Variants in EIF2S2 observed in about 807,000 individuals in gnomAD.
EIF2S2 encodes the protein eukaryotic translation initiation factor 2 subunit beta.
A neutral mutation model predicts 44.0 loss-of-function variants in EIF2S2; 4 were observed. The ratio of observed to expected loss-of-function variants is 0.09; its 90% CI spans 0.04 to 0.21. The LOEUF is 0.21. Among genes scored for constraint, EIF2S2 ranks in the 10% least tolerant of loss-of-function variants. The probability of loss-of-function intolerance (pLI) is 1.00; values close to 1 mark genes in which losing one functional copy is unlikely to be tolerated. For missense variants in EIF2S2, 154 were observed against 392.0 expected (o/e 0.39, Z 5.13); for synonymous variants, 108 against 128.3 (o/e 0.84, Z 1.07).
At chr20:34,095,445 G>A (rs1254340272) in intron 6 of EIF2S2, among the ~76,000 whole-genome samples, 1 of 151,888 alleles carries the variant, frequency 6.6e-6, no homozygotes, top group African/African-American at 2.4e-5. Context: ...CCCGAGTAGC[G>A]GGATTACAGG....
chr20:34,091,769 ATTT>A (rs1555812045), intron 7 of EIF2S2, among the ~76,000 whole-genome samples: 2 of 33,832 alleles, frequency 5.9e-5, no homozygotes, highest in South Asian at 3.9e-3. Flanking sequence ...ATATATATTT[ATTT>A]TTTTGGGGGG....
At chr20:34,105,090 C>T (rs1016280892) in intron 2 of EIF2S2, among the ~76,000 whole-genome samples, 2 of 152,150 alleles carry the variant, frequency 1.3e-5, no homozygotes, top group Non-Finnish European at 2.9e-5. Flanking sequence ...AATACAACTA[C>T]CATTAAAAAG....
intron 3 of EIF2S2, 124 bp from the exon 4 acceptor site, chr20:34,098,757 G>A (rs2034262055): frequency 2.5e-6 from 3 of 1,188,442 alleles, no homozygotes; most frequent in East Asian, 2.6e-5. Context: ...CAAACTCCTG[G>A]CCTCAAGAGA....
intron 7 of EIF2S2, among the ~76,000 whole-genome samples, chr20:34,091,547 C>T (rs2034162766): frequency 6.6e-6 from 1 of 151,840 alleles, no homozygotes; most frequent in Non-Finnish European, 1.5e-5. Context: ...GGAACCCCGT[C>T]TCTACTACAA....
rs2034241958 is a variant in EIF2S2 at position 34,097,404 on chromosome 20, A to AT, written c.534+11dup. Reference sequence around the variant, plus strand: ...ATAGCTTAGCCCCTTTTCACAACAGATTTTGTCTTACCTCCTCGTATGTGT... The same window carrying AT: ...ATAGCTTAGCCCCTTTTCACAACAGATTTTTGTCTTACCTCCTCGTATGTGT... On this transcript the variant is annotated intron_variant, in intron 5 of 8. Transcript: ENST00000374980. The AT allele has an allele frequency of 6.2e-7, 1 of 1,608,116 alleles. No individual in the cohort carries two copies. The highest frequency in any genetic ancestry group is 1.3e-5 in the African/African-American group (1 of 74,672).
chr20:34,106,643 G>C (rs1399531401), intron 1 of EIF2S2, among the ~76,000 whole-genome samples: 2 of 151,966 alleles, frequency 1.3e-5, no homozygotes, highest in Non-Finnish European at 1.5e-5. Flanking sequence ...TGCTCCCCAA[G>C]CTGGTCTTGA....
At chr20:34,091,776 T>TTTGGGGGGG (rs4012181) in intron 7 of EIF2S2, among the ~76,000 whole-genome samples, 2 of 95,812 alleles carry the variant, frequency 2.1e-5, no homozygotes, top group Non-Finnish European at 4.1e-5. Flanking sequence ...TTTATTTTTT[T>TTTGGGGGGG]GGGGGGGGGG....
At chr20:34,112,049 G>C (rs1334416235) in intron 1 of EIF2S2, 47 bp downstream of exon 1, 1 of 1,451,576 alleles carries the variant, frequency 6.9e-7, no homozygotes, top group Non-Finnish European at 9.2e-7. Flanking sequence ...AGTGGGTTAG[G>C]CTTCTCGCCT....
rs141624729 is a variant in EIF2S2, at chr20:34,098,691, T to G, written c.298-58A>C. On this transcript the variant is annotated intron_variant, in intron 3 of 8. Coordinates refer to ENST00000374980, the MANE Select transcript of EIF2S2 (RefSeq NM_003908.5). Reference sequence around the variant, plus strand: ...ACTGGGACTATTCTTTTTTATTTATTTTATTACATTTTCTGTTGAGATGAG... The same window carrying G: ...ACTGGGACTATTCTTTTTTATTTATGTTATTACATTTTCTGTTGAGATGAG... 198 of 1,556,904 alleles carry G rather than the reference T, an allele frequency of 1.3e-4. No individual in the cohort carries two copies. In the African/African-American group the frequency reaches 2.5e-3, roughly 20 times the overall value.
chr20:34,097,635 C>CTTT (rs1158584415), intron 4 of EIF2S2, 119 bp from the exon 5 acceptor site: 32 of 719,744 alleles, frequency 4.4e-5, no homozygotes, highest in Non-Finnish European at 7.1e-5. Context: ...CAGCTGCATT[C>CTTT]ACAACAGCCT....
chr20:34,091,542 C>T (rs192797282), intron 7 of EIF2S2, among the ~76,000 whole-genome samples: 142 of 151,872 alleles, frequency 9.3e-4, no homozygotes, highest in African/African-American at 3.1e-3. Flanking sequence ...ATGGTGGAAC[C>T]CCGTCTCTAC....
intron 1 of EIF2S2, 128 bp from the exon 2 acceptor site, chr20:34,105,673 G>A (rs2034341535): frequency 8.2e-6 from 7 of 852,706 alleles, no homozygotes; most frequent in Non-Finnish European, 1.2e-5. Flanking sequence ...ACACCAAAGG[G>A]GAGTTTACCA....
intron 1 of EIF2S2, among the ~76,000 whole-genome samples, chr20:34,106,040 G>C (rs2034345996): frequency 6.6e-6 from 1 of 151,796 alleles, no homozygotes; most frequent in African/African-American, 2.4e-5. Context: ...TACCATCTTA[G>C]CTCCCCAAGT....
At chr20:34,090,644 T>C in intron 7 of EIF2S2, 42 bp from the exon 8 acceptor site, 1 of 1,280,862 alleles carries the variant, frequency 7.8e-7, no homozygotes, top group Non-Finnish European at 1.1e-6. Flanking sequence ...TATTGTTTTT[T>C]CCTAAAGGAA....
intron 4 of EIF2S2, among the ~76,000 whole-genome samples, chr20:34,097,962 G>A (rs1022387308): frequency 2.0e-5 from 3 of 151,860 alleles, no homozygotes; most frequent in East Asian, 1.9e-4. Context: ...TTAAAAAATC[G>A]GGGCCGGGCG....
rs760227962 is a variant in EIF2S2 at position 34,089,251 on chromosome 20, C to T, written c.*479G>A. On this transcript the variant is annotated 3_prime_UTR_variant, in exon 9 of 9. Transcript: ENST00000374980. The stretch of plus-strand genomic sequence containing the variant: ...GTCCCACCACACTCGCGTGGGAGGC[C>T]GTGTCTACTTTAACTATGTATCTCA... The T allele has an allele frequency of 1.3e-4, 20 of 152,136 alleles. No individual in the cohort carries two copies. Among genetic ancestry groups the T allele is most frequent in the East Asian group, 5.9e-4 (3 of 5,102 alleles). 9.4% of individuals were successfully genotyped at this position (152,136 alleles called of 1,614,324 possible).
rs778660932 is a variant in EIF2S2, at chr20:34,096,782, G to T, written c.558C>A (p.Ile186=). The T allele has an allele frequency of 3.1e-6, 5 of 1,608,528 alleles. No homozygotes were observed. The South Asian group carries it at 5.6e-5, about 18-fold the overall frequency. Residue 186 remains isoleucine, a synonymous_variant, in exon 6 of 9, where the codon ATC becomes ATA. Coordinates refer to ENST00000374980, the MANE Select transcript of EIF2S2 (RefSeq NM_003908.5). ...YEELLNRVFN[I]MREKNPDMVA... ...CCATATCTGGATTCTTTTCCCTCAT[G>T]ATGTTGAACACTCGATTCAGCAGCT...
intron 7 of EIF2S2, among the ~76,000 whole-genome samples, chr20:34,092,258 T>C (rs368504419): frequency 6.6e-6 from 1 of 152,220 alleles, no homozygotes; most frequent in Non-Finnish European, 1.5e-5. Context: ...CAACTTGTTA[T>C]AATAGTTTAT....
chr20:34,093,773 A>C (rs2034196224), intron 6 of EIF2S2, 42 bp from the exon 7 acceptor site: 1 of 1,516,324 alleles, frequency 6.6e-7, no homozygotes, highest in Admixed American at 2.0e-5. Context: ...TCTCTCATGG[A>C]AATCTCACCA....
Sources: gnomAD v4.1 joint callset for allele counts (sites outside exome capture counted in the v4.1 genomes callset) on GRCh38, gnomAD v4.1.1 for gene constraint, MANE v1.5 for transcripts, NCBI Gene and HGNC (gene_info 2026-07-23, HGNC 2026-07-21) for gene names.